Variants in EPS8 observed in about 807,000 individuals in gnomAD.
The protein encoded by EPS8 is epidermal growth factor receptor kinase substrate 8.
A neutral mutation model predicts 103.8 loss-of-function variants in EPS8; 42 were observed. The observed-to-expected ratio is 0.40, with a 90% CI of 0.32 to 0.52. The LOEUF (loss-of-function observed/expected upper bound fraction) is 0.52. Ranked by LOEUF, EPS8 falls within the 20% of genes least tolerant of loss-of-function variation. The pLI is 0.40. For synonymous variants in EPS8, 344 were observed against 344.6 expected, an observed-to-expected ratio of 1.00 and a Z score of 0.02; for missense variants, 969 against 1,005.1, an observed-to-expected ratio of 0.96 and a Z score of 0.49.
At chr12:15,740,991 A>G (rs1455332661) in intron 1 of EPS8, among the ~76,000 whole-genome samples, 4 of 152,162 alleles carry the variant, frequency 2.6e-5, no homozygotes, top group African/African-American at 9.7e-5. Flanking sequence ...CTGACCAATA[A>G]TGGAGAGTTG....
intron 8 of EPS8, 57 bp from the exon 9 acceptor site, chr12:15,662,156 G>A: frequency 2.6e-6 from 4 of 1,566,854 alleles, no homozygotes; most frequent in Non-Finnish European, 3.5e-6. Context: ...TACCAATACA[G>A]ACAATTAAAA....
chr12:15,744,213 C>T (rs1946852816), intron 1 of EPS8, among the ~76,000 whole-genome samples: 1 of 152,184 alleles, frequency 6.6e-6, no homozygotes, highest in South Asian at 2.1e-4. Flanking sequence ...GTCTTAACGA[C>T]TAAGGAAAAA....
rs748680402 is a variant in EPS8, at chr12:15,670,903, G to A, written c.157C>T (p.Arg53Trp). The change falls in exon 4 of 21, where the codon CGG (arginine) becomes TGG (tryptophan). Residue 53 changes from arginine to tryptophan, a missense_variant. By Grantham distance (101) the Arg-to-Trp change is moderately radical (BLOSUM62 -3). Coordinates refer to ENST00000281172, the MANE Select transcript of EPS8 (RefSeq NM_004447.6). The part of the protein sequence containing the change: ...ALYEQRKNYA[R>W]DSVSSVSDIS... ...TCTGACACACTGCTGACACTGTCCC[G>A]TGCATAATTCTTCCTTTGTTCTGAA... is the stretch of plus-strand genomic sequence containing the variant. 6.2e-6 allele frequency: 10 copies of A among 1,611,396 alleles called. No individual in the cohort carries two copies. Among genetic ancestry groups the A allele is most frequent in the East Asian group, 2.2e-5 (1 of 44,764 alleles).
intron 8 of EPS8, among the ~76,000 whole-genome samples, chr12:15,663,199 G>A (rs1455481730): frequency 6.6e-6 from 1 of 152,014 alleles, no homozygotes. Context: ...TAGCTATTAG[G>A]AACTCTACAG....
rs994746027 is a variant in EPS8, at chr12:15,734,920, C to A, written c.-21-51948G>T. ...GCAGGGCCAACTGCCATATCATTTCCATTTTAAAAATAAGCAAACTGACAC... is the reference window on the plus strand; with the variant it reads ...GCAGGGCCAACTGCCATATCATTTCAATTTTAAAAATAAGCAAACTGACAC... On this transcript the variant is annotated intron_variant, in intron 1 of 20. Transcript: ENST00000281172. This position sits in a 1 kb window ranked among gnomAD's most constrained non-coding sequence, Gnocchi z 4.1. 6.6e-6 allele frequency among the ~76,000 whole-genome samples: 1 copy of A among 152,070 alleles called. No individual in the cohort carries two copies. Among genetic ancestry groups the A allele is most frequent in the Non-Finnish European group, 1.5e-5 (1 of 68,022 alleles).
chr12:15,745,248 C>G lies in EPS8; in HGVS notation c.-22+43913G>C, dbSNP rs1463408082. Reference sequence around the variant, plus strand: ...TATAAAAGAACACTTTACAACCTAACTGCTTATTATAGACTAAGTTCAGTA... The same window carrying G: ...TATAAAAGAACACTTTACAACCTAAGTGCTTATTATAGACTAAGTTCAGTA... On this transcript the variant is annotated intron_variant, in intron 1 of 20. Transcript: ENST00000281172. This position sits in a 1 kb window ranked among gnomAD's most constrained non-coding sequence, Gnocchi z 4.6. 5.9e-5 allele frequency among the ~76,000 whole-genome samples: 9 copies of G among 152,190 alleles called. No homozygotes were observed. The highest frequency in any genetic ancestry group is 5.9e-4 in the Admixed American group (9 of 15,284).
chr12:15,622,173 A>C (rs148338935), intron 20 of EPS8, among the ~76,000 whole-genome samples: 2,101 of 152,304 alleles, frequency 0.014, 48 homozygotes, highest in African/African-American at 0.048. Context: ...CATACCTTGA[A>C]GAAGTAATTA....
intron 1 of EPS8, among the ~76,000 whole-genome samples, chr12:15,765,952 T>G (rs928406632): frequency 1.3e-5 from 2 of 151,614 alleles, no homozygotes; most frequent in Non-Finnish European, 2.9e-5. Flanking sequence ...TAGCTGGGAT[T>G]ACAGGCGCGT....
rs1814885438 is a variant in EPS8, at chr12:15,778,742, A to G, written c.-22+10419T>C. On this transcript the variant is annotated intron_variant, in intron 1 of 20. Transcript: ENST00000281172. The surrounding 1 kb of genome is among the most constrained non-coding windows in gnomAD (Gnocchi z 4.5). ...TGGAGATTATGTACGCATGCATATA[A>G]ACATAAACAAGCTGTTCATGCCTTT... 6.6e-6 allele frequency among the ~76,000 whole-genome samples: 1 copy of G among 152,234 alleles called. No individual in the cohort carries two copies. The highest frequency in any genetic ancestry group is 2.1e-4 in the South Asian group (1 of 4,834).
In EPS8 at chr12:15,621,103, C is replaced by A; in HGVS notation, c.*214G>T. ...TTGGTAAAGTAAGAAAAATATTTTC[C>A]AAGGTCAAAAAATTCAGTTTAAATT... On this transcript the variant is annotated 3_prime_UTR_variant, in exon 21 of 21. Transcript: ENST00000281172. The A allele has an allele frequency of 2.4e-6, 1 of 418,830 alleles. No individual in the cohort carries two copies. 25.9% of individuals were successfully genotyped at this position (418,830 alleles called of 1,614,324 possible).
At chr12:15,773,917 A>T (rs1251943481) in intron 1 of EPS8, among the ~76,000 whole-genome samples, 4 of 152,082 alleles carry the variant, frequency 2.6e-5, no homozygotes, top group Admixed American at 6.5e-5. Flanking sequence ...AAGGCTAGAA[A>T]TTTTTTGTGA....
chr12:15,774,903 G>A (rs1000951187), intron 1 of EPS8, among the ~76,000 whole-genome samples: 2 of 151,792 alleles, frequency 1.3e-5, no homozygotes, highest in Admixed American at 1.3e-4. Context: ...GTATTTAAAA[G>A]CAATTCTTGA....
intron 3 of EPS8, among the ~76,000 whole-genome samples, chr12:15,677,395 C>G (rs1453591983): frequency 6.6e-6 from 1 of 152,116 alleles, no homozygotes; most frequent in Non-Finnish European, 1.5e-5. Context: ...ACCCAGGAGG[C>G]CCACTATAGT....
intron 1 of EPS8, among the ~76,000 whole-genome samples, chr12:15,739,073 T>C (rs1033664577): frequency 2.0e-5 from 3 of 152,236 alleles, no homozygotes; most frequent in Non-Finnish European, 4.4e-5. Context: ...TACTCACTGA[T>C]AGCACTCTAT....
Position 15,787,699 on chromosome 12 carries a change from CAA to C in EPS8, c.-22+1460_-22+1461del, listed in dbSNP as rs369214857. 4.2e-3 allele frequency among the ~76,000 whole-genome samples: 640 copies of C among 152,170 alleles called. 1 individual carries two copies. The highest frequency in any genetic ancestry group is 6.6e-3 in the Non-Finnish European group (449 of 67,984). On this transcript the variant is annotated intron_variant, in intron 1 of 20. Transcript: ENST00000281172. This position sits in a 1 kb window ranked among gnomAD's most constrained non-coding sequence, Gnocchi z 4.9. ...GTGAATGACTTGTGGTGCAATCTTACAAAGTCTCAATCTGTGTATTCTGCAAT... is the reference window on the plus strand; with the variant it reads ...GTGAATGACTTGTGGTGCAATCTTACAGTCTCAATCTGTGTATTCTGCAAT...
chr12:15,672,550 A>T, intron 3 of EPS8: 1 of 398,080 alleles, frequency 2.5e-6, no homozygotes, highest in East Asian at 3.6e-5. Context: ...TTTCACCTAA[A>T]ATTTTCTCTC....
In EPS8 at chr12:15,734,673, G is replaced by A. The variant is rs781181833; in HGVS notation, c.-21-51701C>T. Among the ~76,000 whole-genome samples the A allele has an allele frequency of 5.9e-5, 9 of 151,820 alleles. No individual in the cohort carries two copies. Among genetic ancestry groups the A allele is most frequent in the Non-Finnish European group, 1.3e-4 (9 of 67,970 alleles). On this transcript the variant is annotated intron_variant, in intron 1 of 20. Coordinates refer to ENST00000281172, the MANE Select transcript of EPS8 (RefSeq NM_004447.6). The surrounding 1 kb of genome is among the most constrained non-coding windows in gnomAD (Gnocchi z 4.1). ...CGCGCCACTGTACTCCAGCCTGGGC[G>A]ACAGAGCGAGACTCCGTACAGAGCG...
chr12:15,670,536 G>A (rs1945797049), intron 4 of EPS8, among the ~76,000 whole-genome samples: 1 of 151,998 alleles, frequency 6.6e-6, no homozygotes, highest in African/African-American at 2.4e-5. Flanking sequence ...AAACTAAATT[G>A]CTCACTGAAA....
At chr12:15,640,639 C>G in intron 17 of EPS8, 64 bp downstream of exon 17, 1 of 1,448,334 alleles carries the variant, frequency 6.9e-7, no homozygotes. Context: ...TGTTTAAATC[C>G]TACTTAAGAG....
Sources: allele counts gnomAD v4.1 joint callset (sites outside exome capture counted in the v4.1 genomes callset), GRCh38; gene constraint gnomAD v4.1.1; non-coding constraint Gnocchi (gnomAD v3.1); transcripts MANE v1.5; gene names NCBI Gene and HGNC (gene_info 2026-07-23, HGNC 2026-07-21).